CHRND: variants seen among roughly 807,000 people sequenced by gnomAD.
CHRND encodes the protein acetylcholine receptor subunit delta.
In CHRND, 40 loss-of-function variants were observed where a neutral mutation model predicts 57.8. That is an observed-to-expected ratio of 0.69 (90% CI 0.54 to 0.90). The LOEUF (loss-of-function observed/expected upper bound fraction) is 0.90, where lower values mean the gene tolerates loss of function less well. Ranked by LOEUF, CHRND falls within the 40% of genes least tolerant of loss-of-function variation. CHRND has a pLI of 0.00. For synonymous variants in CHRND, 237 were observed against 270.6 expected (o/e 0.88, Z 1.22); for missense variants, 634 against 673.9 (o/e 0.94, Z 0.66).
intron 5 of CHRND, 49 bp downstream of exon 5, chr2:232,528,705 G>A: frequency 6.2e-7 from 1 of 1,612,912 alleles, no homozygotes; most frequent in Non-Finnish European, 8.5e-7. Context: ...CCCTGCCAGA[G>A]GCCAAAGAAG....
At position 232,527,310 on chromosome 2, in the gene CHRND, A is replaced by AAAG. The variant is rs113930536; in HGVS notation, c.199-90_199-89insAGA. The AAAG allele has an allele frequency of 1.5e-3, 1,379 of 912,468 alleles. 4 individuals carry two copies. Among genetic ancestry groups the AAAG allele is most frequent in the African/African-American group, 8.0e-3 (475 of 59,632 alleles). 56.5% of individuals were successfully genotyped at this position (912,468 alleles called of 1,614,324 possible). A position where few individuals can be genotyped will look rare whatever the true frequency, so the allele number is the denominator to read the frequency against. ...AATTGAGCAAGACCCTGGAAAAAAA[A>AAAG]AGAGAGAGAGAGAGAGAGAGAGAGT... On this transcript the variant is annotated intron_variant, in intron 2 of 11. Transcript: ENST00000258385.
At chr2:232,530,204 G>A in intron 7 of CHRND, 65 bp downstream of exon 7, 1 of 1,536,992 alleles carries the variant, frequency 6.5e-7, no homozygotes, top group South Asian at 1.1e-5. Context: ...GCCAGCCCCA[G>A]CCCTGCCCCC....
Position 232,531,647 on chromosome 2 carries a change from G to A in CHRND, c.1038G>A (p.Gly346=). ...CCAGCACCCATGTGCTGTCTGAGGG[G>A]GTCAAGAAGGTGAGTACTTGGCCCG... is the stretch of plus-strand genomic sequence containing the variant. ...RTPSTHVLSE[G]VKKLFLETLP... is the part of the protein sequence containing the mutation. Residue 346 remains glycine (G), a synonymous_variant, in exon 9 of 12, where the codon GGG becomes GGA. Coordinates refer to ENST00000258385, the MANE Select transcript of CHRND (RefSeq NM_000751.3). 6.2e-7 allele frequency: 1 copy of A among 1,612,924 alleles called. No homozygotes were observed.
At chr2:232,534,644 A>G (rs1691822266) in intron 11 of CHRND, among the ~76,000 whole-genome samples, 1 of 152,180 alleles carries the variant, frequency 6.6e-6, no homozygotes, top group Admixed American at 6.5e-5. Context: ...GTCCCTACTC[A>G]GTTCCAAGCC....
In CHRND at chr2:232,534,358, A is replaced by T. The variant is rs986868921; in HGVS notation, c.1371+16A>T. Reference sequence around the variant, plus strand: ...TTACAATGAGGTAAGGGACCACAGGATTGCCATGTACAGGTGTTCAAGTAG... The same window carrying T: ...TTACAATGAGGTAAGGGACCACAGGTTTGCCATGTACAGGTGTTCAAGTAG... On this transcript the variant is annotated intron_variant, in intron 11 of 11. Transcript: ENST00000258385. The T allele has an allele frequency of 6.2e-7, 1 of 1,610,794 alleles. No individual in the cohort carries two copies. The highest frequency in any genetic ancestry group is 8.5e-7 in the Non-Finnish European group (1 of 1,177,038).
At chr2:232,532,476 CAAAAAAAAAAA>C in intron 9 of CHRND, among the ~76,000 whole-genome samples, 1 of 92,524 alleles carries the variant, frequency 1.1e-5, no homozygotes, top group African/African-American at 4.5e-5. Flanking sequence ...ACTCTGTCTC[CAAAAAAAAAAA>C]AAAAAAAAAA....
At chr2:232,527,337 G>GAGA in intron 2 of CHRND, 64 bp from the exon 3 acceptor site, 1 of 1,248,222 alleles carries the variant, frequency 8.0e-7, no homozygotes, top group Non-Finnish European at 1.2e-6. Flanking sequence ...AGAGAGAGTG[G>GAGA]GTGAATGTGT....
chr2:232,526,223 G>C lies in CHRND; in HGVS notation c.8G>C (p.Gly3Ala), dbSNP rs2106205606. The C allele has an allele frequency of 1.2e-6, 2 of 1,612,816 alleles. No homozygotes were observed. The highest frequency in any genetic ancestry group is 1.7e-6 in the Non-Finnish European group (2 of 1,179,166). ME[G>A]PVLTLGLLAA... Reference sequence around the variant, plus strand: ...CCCAGTCAGAGGGATGGGATGGAGGGGCCAGTGCTGACACTGGGGCTGCTG... The same window carrying C: ...CCCAGTCAGAGGGATGGGATGGAGGCGCCAGTGCTGACACTGGGGCTGCTG... Residue 3 changes from glycine (G) to alanine (A), a missense_variant, in exon 1 of 12, where the codon GGG becomes GCG. Gly to Ala is a moderately conservative substitution (Grantham distance 60). Transcript: ENST00000258385.
chr2:232,527,826 C>T (rs936009429), intron 3 of CHRND, among the ~76,000 whole-genome samples: 7 of 152,204 alleles, frequency 4.6e-5, no homozygotes, highest in African/African-American at 1.4e-4. Context: ...ATGGAGATCC[C>T]GTCTGCCTTG....
rs777349979 is a variant in CHRND at position 232,535,453 on chromosome 2, A to G, written c.*141A>G. The G allele has an allele frequency of 4.0e-6, 4 of 999,484 alleles. No homozygotes were observed. The Admixed American group carries it at 5.9e-5, about 15-fold the overall frequency. The allele number at this position is 999,484 out of a possible 1,614,324, so 61.9% of individuals were successfully genotyped here. A position where few individuals can be genotyped will look rare whatever the true frequency, so the allele number is the denominator to read the frequency against. On this transcript the variant is annotated 3_prime_UTR_variant, in exon 12 of 12. Transcript: ENST00000258385. ...GGAAGGGAGGGAGCAGCCACTCCTCAATGCTCAATGGCTCCCCTGAAATCA... is the reference window on the plus strand; with the variant it reads ...GGAAGGGAGGGAGCAGCCACTCCTCGATGCTCAATGGCTCCCCTGAAATCA...
intron 2 of CHRND, 89 bp from the exon 3 acceptor site, chr2:232,527,308 AAAAG>A (rs1691509738): frequency 8.8e-7 from 1 of 1,139,366 alleles, no homozygotes; most frequent in Non-Finnish European, 1.3e-6. Context: ...CCTGGAAAAA[AAAAG>A]AGAGAGAGAG....
rs776972228 is a variant in CHRND, at chr2:232,534,330, C to T, written c.1359C>T (p.Asn453=). ...TTGTTAACCACATGAGGGACCAGAACAATTACAATGAGGTAAGGGACCACA... is the reference window on the plus strand; with the variant it reads ...TTGTTAACCACATGAGGGACCAGAATAATTACAATGAGGTAAGGGACCACA... ...NFIVNHMRDQ[N]NYNEEKDSWN... Residue 453 remains asparagine (N), a synonymous_variant, in exon 11 of 12, where the codon AAC becomes AAT. Coordinates refer to ENST00000258385, the MANE Select transcript of CHRND (RefSeq NM_000751.3). 21 of 1,613,968 alleles carry T rather than the reference C, an allele frequency of 1.3e-5. No homozygotes were observed. The East Asian group carries it at 4.7e-4, about 36-fold the overall frequency.
chr2:232,532,861 C>T (rs1466644458), intron 9 of CHRND, among the ~76,000 whole-genome samples: 1 of 152,174 alleles, frequency 6.6e-6, no homozygotes, highest in Non-Finnish European at 1.5e-5. Flanking sequence ...AAAAATTCAT[C>T]TAGCTATATA....
At position 232,536,364 on chromosome 2, in the gene CHRND, A is replaced by T; in HGVS notation, c.*1052A>T. 2.2e-6 allele frequency: 1 copy of T among 454,106 alleles called. No homozygotes were observed. Among genetic ancestry groups the T allele is most frequent in the Non-Finnish European group, 4.4e-6 (1 of 226,804 alleles). 28.1% of individuals were successfully genotyped at this position (454,106 alleles called of 1,614,324 possible). A position where few individuals can be genotyped will look rare whatever the true frequency, so the allele number is the denominator to read the frequency against. On this transcript the variant is annotated 3_prime_UTR_variant, in exon 12 of 12. Transcript: ENST00000258385. ...AGACACTATGGCCTCTTTCTTGCTC[A>T]TTAGCCCTCATTCTCACATCAGTTG...
rs528286132 is a variant in CHRND, at chr2:232,528,644, C to T, written c.497C>T (p.Ser166Phe). Residue 166 changes from serine (S) to phenylalanine (F), a missense_variant, in exon 5 of 12, where the codon TCC becomes TTC. Coordinates refer to ENST00000258385, the MANE Select transcript of CHRND (RefSeq NM_000751.3). ...TYFPFDWQNC[S>F]LKFSSLKYTA... Reference sequence around the variant, plus strand: ...TTCCCCTTCGACTGGCAGAACTGCTCCCTCAAGTTCAGGTGTGCCCTTTTC... The same window carrying T: ...TTCCCCTTCGACTGGCAGAACTGCTTCCTCAAGTTCAGGTGTGCCCTTTTC... 6.9e-5 allele frequency: 112 copies of T among 1,614,030 alleles called. No individual in the cohort carries two copies. The South Asian group carries it at 1.1e-3, about 16-fold the overall frequency.
At chr2:232,527,594 A>C (rs977850551) in intron 3 of CHRND, 149 bp downstream of exon 3, 1 of 667,588 alleles carries the variant, frequency 1.5e-6, no homozygotes, top group Admixed American at 2.3e-5. Flanking sequence ...AATACAAAAA[A>C]TTAGCTTGGT....
At position 232,528,983 on chromosome 2, in the gene CHRND, A is replaced by C; in HGVS notation, c.619+12A>C. The stretch of plus-strand genomic sequence containing the variant: ...TGAAGGCTTCACAGGTGCTGGGAAC[A>C]GCCGCCAGTGGGTGGGCAGGTCCCT... On this transcript the variant is annotated intron_variant, in intron 6 of 11. Transcript: ENST00000258385. The C allele has an allele frequency of 1.2e-6, 2 of 1,604,814 alleles. No homozygotes were observed. The highest frequency in any genetic ancestry group is 8.5e-7 in the Non-Finnish European group (1 of 1,171,806).
Position 232,530,164 on chromosome 2 carries a change from G to T in CHRND, c.820+25G>T, listed in dbSNP as rs779733767. ...AGTGAGCCTCCAGGCCCCGTCCCCTGCTCCCCCTCCCCAAGCCCACCTGAG... is the reference window on the plus strand; with the variant it reads ...AGTGAGCCTCCAGGCCCCGTCCCCTTCTCCCCCTCCCCAAGCCCACCTGAG... On this transcript the variant is annotated intron_variant, in intron 7 of 11. Coordinates refer to ENST00000258385, the MANE Select transcript of CHRND (RefSeq NM_000751.3). The T allele has an allele frequency of 1.9e-6, 3 of 1,609,328 alleles. No homozygotes were observed. In the South Asian group the frequency reaches 3.3e-5, roughly 18 times the overall value.
Position 232,528,991 on chromosome 2 carries a change from G to T in CHRND, c.619+20G>T. ...TCACAGGTGCTGGGAACAGCCGCCAGTGGGTGGGCAGGTCCCTCAGACACA... is the reference window on the plus strand; with the variant it reads ...TCACAGGTGCTGGGAACAGCCGCCATTGGGTGGGCAGGTCCCTCAGACACA... On this transcript the variant is annotated intron_variant, in intron 6 of 11. Coordinates refer to ENST00000258385, the MANE Select transcript of CHRND (RefSeq NM_000751.3). 6.3e-7 allele frequency: 1 copy of T among 1,593,892 alleles called. No individual in the cohort carries two copies. Among genetic ancestry groups the T allele is most frequent in the Non-Finnish European group, 8.6e-7 (1 of 1,161,944 alleles).
Sources: allele counts gnomAD v4.1 joint callset (sites outside exome capture counted in the v4.1 genomes callset), GRCh38; gene constraint gnomAD v4.1.1; transcripts MANE v1.5; gene names NCBI Gene and HGNC (gene_info 2026-07-23, HGNC 2026-07-21).